The following LRIG2 variants were observed in gnomAD, a reference collection of about 807,000 sequenced individuals.
LRIG2 encodes the protein leucine rich repeats and immunoglobulin like domains 2.
Under a neutral mutation model 107.8 loss-of-function variants are expected in LRIG2, and 93 were observed. That is an observed-to-expected ratio of 0.86 (90% CI 0.73 to 1.03). The LOEUF is 1.03. Ranked by LOEUF, LRIG2 falls within the 50% of genes least tolerant of loss-of-function variation. The pLI is 0.00. For missense variants in LRIG2, 1,226 were observed against 1,296.0 expected (o/e 0.95, Z 0.83); for synonymous variants, 471 against 470.6 (o/e 1.00, Z -0.01).
At chr1:113,088,491 T>C (rs983130063) in intron 1 of LRIG2, among the ~76,000 whole-genome samples, 3 of 152,212 alleles carry the variant, frequency 2.0e-5, no homozygotes, top group African/African-American at 7.2e-5. Flanking sequence ...TTGACAATCA[T>C]AGGAGAACTC....
At chr1:113,122,321 A>T (rs1473315951) in intron 17 of LRIG2, among the ~76,000 whole-genome samples, 1 of 151,952 alleles carries the variant, frequency 6.6e-6, no homozygotes, top group African/African-American at 2.4e-5. Flanking sequence ...TCCTGACCTC[A>T]GGTGATCCAC....
At chr1:113,079,402 A>G (rs947751329) in intron 1 of LRIG2, among the ~76,000 whole-genome samples, 1 of 150,840 alleles carries the variant, frequency 6.6e-6, no homozygotes, top group Non-Finnish European at 1.5e-5. Flanking sequence ...AAAGGTACAG[A>G]TGGCCGGGCA....
At chr1:113,111,242 G>A (rs1010755130) in intron 13 of LRIG2, among the ~76,000 whole-genome samples, 19 of 152,276 alleles carry the variant, frequency 1.2e-4, no homozygotes, top group African/African-American at 3.8e-4. Flanking sequence ...CACCATTTTG[G>A]CCAGGTTGGT....
chr1:113,127,894 G>A lies in LRIG2; in HGVS notation c.*3793G>A, dbSNP rs1655548410. The A allele has an allele frequency of 6.6e-6, 1 of 151,400 alleles. No individual in the cohort carries two copies. The highest frequency in any genetic ancestry group is 2.1e-4 in the South Asian group (1 of 4,754). 9.4% of individuals were successfully genotyped at this position (151,400 alleles called of 1,614,324 possible). A position where few individuals can be genotyped will look rare whatever the true frequency, so the allele number is the denominator to read the frequency against. ...GTCCTTATTTTATACAAGTGATTAA[G>A]CCAAAAATTTTCTTGAATTTCTGAT... is the stretch of plus-strand genomic sequence containing the variant. On this transcript the variant is annotated 3_prime_UTR_variant, in exon 18 of 18. Transcript: ENST00000361127.
chr1:113,123,537 G>C (rs1053673770), intron 17 of LRIG2, among the ~76,000 whole-genome samples: 1 of 152,186 alleles, frequency 6.6e-6, no homozygotes, highest in African/African-American at 2.4e-5. Flanking sequence ...TGACGCCATT[G>C]CACTCCAGCC....
chr1:113,112,865 T>C (rs1654834019), intron 14 of LRIG2, 105 bp downstream of exon 14: 1 of 1,084,168 alleles, frequency 9.2e-7, no homozygotes, highest in Admixed American at 2.6e-5. Context: ...TCTGTGATTC[T>C]TAGATCTTTA....
intron 1 of LRIG2, among the ~76,000 whole-genome samples, chr1:113,084,029 TA>T (rs1314550375): frequency 4.1e-4 from 58 of 142,788 alleles, no homozygotes; most frequent in South Asian, 1.6e-3. Context: ...ATAATAATAA[TA>T]ATAATAATAA....
intron 1 of LRIG2, among the ~76,000 whole-genome samples, chr1:113,083,870 G>C (rs1384784186): frequency 1.0e-5 from 1 of 98,982 alleles, no homozygotes; most frequent in Non-Finnish European, 1.9e-5. Context: ...GGGGGAGGGG[G>C]GAGGGATGGC....
intron 13 of LRIG2, among the ~76,000 whole-genome samples, chr1:113,111,074 G>A (rs577987404): frequency 5.9e-5 from 9 of 151,852 alleles, no homozygotes; most frequent in African/African-American, 1.9e-4. Flanking sequence ...TCGCTCTGTC[G>A]CCCAGGATGG....
chr1:113,123,946 C>T lies in LRIG2; in HGVS notation c.3043C>T (p.Pro1015Ser). 6.2e-7 allele frequency: 1 copy of T among 1,614,124 alleles called. No individual in the cohort carries two copies. Reference sequence around the variant, plus strand: ...GCCTCATCCTCCTTTTTCCCAGCAGCCAGTCCATGAGTCACCACAACTTCA... The same window carrying T: ...GCCTCATCCTCCTTTTTCCCAGCAGTCAGTCCATGAGTCACCACAACTTCA... ...GLPHPPFSQQ[P>S]VHESPQLHQN... The change falls in exon 18 of 18, where the codon CCA (proline) becomes TCA (serine). Residue 1015 changes from proline (P) to serine (S), a missense_variant. Coordinates refer to ENST00000361127, the MANE Select transcript of LRIG2 (RefSeq NM_014813.3).
rs913391858 is a variant in LRIG2 at position 113,079,765 on chromosome 1, G to A, written c.239+6120G>A. On this transcript the variant is annotated intron_variant, in intron 1 of 17. Transcript: ENST00000361127. ...CTTTTTTTTTTTTTTTTTTTGAGGCGGAGTCTTGCTCTGTTGCCCAGGCTA... is the reference window on the plus strand; with the variant it reads ...CTTTTTTTTTTTTTTTTTTTGAGGCAGAGTCTTGCTCTGTTGCCCAGGCTA... 6.3e-4 allele frequency among the ~76,000 whole-genome samples: 93 copies of A among 146,854 alleles called. No homozygotes were observed. In the Middle Eastern group the frequency reaches 0.011, roughly 17 times the overall value.
intron 1 of LRIG2, among the ~76,000 whole-genome samples, chr1:113,076,988 A>G (rs114395168): frequency 0.011 from 1,668 of 152,206 alleles, 38 homozygotes; most frequent in African/African-American, 0.038. Context: ...CTTTCCCCCA[A>G]TGATGTGTTG....
Position 113,124,160 on chromosome 1 carries a change from C to G in LRIG2, c.*59C>G. The stretch of plus-strand genomic sequence containing the variant: ...TATTAATTAATTTTGCATTTACTAC[C>G]TCAGAGCTCAGAAGAAACTCCGAAG... On this transcript the variant is annotated 3_prime_UTR_variant, in exon 18 of 18. Coordinates refer to ENST00000361127, the MANE Select transcript of LRIG2 (RefSeq NM_014813.3). The G allele has an allele frequency of 7.1e-7, 1 of 1,418,332 alleles. No homozygotes were observed. The highest frequency in any genetic ancestry group is 1.4e-5 in the African/African-American group (1 of 70,986). 87.9% of individuals were successfully genotyped at this position (1,418,332 alleles called of 1,614,324 possible). A position where few individuals can be genotyped will look rare whatever the true frequency, so the allele number is the denominator to read the frequency against.
chr1:113,095,512 G>C (rs183485795), intron 6 of LRIG2, among the ~76,000 whole-genome samples: 3 of 151,816 alleles, frequency 2.0e-5, no homozygotes, highest in Admixed American at 1.3e-4. Flanking sequence ...GGGTTCAAGC[G>C]ATTCTCCTGC....
chr1:113,102,773 G>A (rs1294698911), intron 11 of LRIG2, among the ~76,000 whole-genome samples: 2 of 152,112 alleles, frequency 1.3e-5, no homozygotes, highest in Non-Finnish European at 2.9e-5. Flanking sequence ...GTATGCATTA[G>A]GAAACTGGAG....
At chr1:113,088,026 A>T (rs771084718) in intron 1 of LRIG2, among the ~76,000 whole-genome samples, 1 of 152,224 alleles carries the variant, frequency 6.6e-6, no homozygotes, top group Admixed American at 6.5e-5. Flanking sequence ...AATCCATGTA[A>T]TTCTAGTTAG....
At chr1:113,091,622 G>A (rs1570738618) in intron 2 of LRIG2, among the ~76,000 whole-genome samples, 2 of 152,308 alleles carry the variant, frequency 1.3e-5, no homozygotes, top group East Asian at 1.9e-4. Flanking sequence ...CCTTCCTGGG[G>A]CTAAAAGTAA....
At chr1:113,093,697 G>A (rs1159857286) in intron 4 of LRIG2, 133 bp downstream of exon 4, 7 of 440,086 alleles carry the variant, frequency 1.6e-5, no homozygotes, top group African/African-American at 6.2e-5. Flanking sequence ...TGGGTGCAGC[G>A]CACCAGCATG....
chr1:113,093,330 A>T (rs768139588), intron 3 of LRIG2, 50 bp downstream of exon 3: 2 of 1,446,314 alleles, frequency 1.4e-6, no homozygotes, highest in South Asian at 1.3e-5. Flanking sequence ...AAAAGTATAC[A>T]TTTTTTTTTT....
Sources: allele counts gnomAD v4.1 joint callset (sites outside exome capture counted in the v4.1 genomes callset), GRCh38; gene constraint gnomAD v4.1.1; transcripts MANE v1.5; gene names NCBI Gene and HGNC (gene_info 2026-07-23, HGNC 2026-07-21).